Variants in SLC15A5 observed in about 807,000 individuals in gnomAD.
SLC15A5 encodes Peptide/histidine transporter ENSP00000340402.
A neutral mutation model predicts 56.1 loss-of-function variants in SLC15A5; 58 were observed. The ratio of observed to expected loss-of-function variants is 1.03; its 90% CI spans 0.84 to 1.29. The LOEUF is 1.29. Ranked by LOEUF, SLC15A5 falls within the 50% of genes most tolerant of loss-of-function variation. The pLI is 0.00. For missense variants in SLC15A5, 681 were observed against 672.1 expected, an observed-to-expected ratio of 1.01 and a Z score of -0.15; for synonymous variants, 264 against 250.5, an observed-to-expected ratio of 1.05 and a Z score of -0.51.
At chr12:16,239,392 A>G (rs947432747) in intron 5 of SLC15A5, among the ~76,000 whole-genome samples, 1 of 152,218 alleles carries the variant, frequency 6.6e-6, no homozygotes, top group Non-Finnish European at 1.5e-5. Context: ...AGGGGTAAGG[A>G]CTGCCTGACT....
In SLC15A5 at chr12:16,194,368, C is replaced by T; in HGVS notation, c.1569G>A (p.Leu523=). 1 of 1,534,260 alleles carries T rather than the reference C, an allele frequency of 6.5e-7. No individual in the cohort carries two copies. Among genetic ancestry groups the T allele is most frequent in the Non-Finnish European group, 8.7e-7 (1 of 1,144,648 alleles). Residue 523 remains leucine (L), a synonymous_variant, in exon 8 of 9, where the codon CTG becomes CTA. Coordinates refer to ENST00000344941, the MANE Select transcript of SLC15A5 (RefSeq NM_001170798.1). ...FLASLTLLNV[L]GFCSVSQRYC... is the part of the protein sequence containing the mutation. ...ACCTTTGTGAAACACTGCAGAATCCCAGGACGTTCAACAATGTTAATGATG... is the reference window on the plus strand; with the variant it reads ...ACCTTTGTGAAACACTGCAGAATCCTAGGACGTTCAACAATGTTAATGATG...
chr12:16,222,790 A>G (rs1224184382), intron 6 of SLC15A5, among the ~76,000 whole-genome samples: 2 of 152,182 alleles, frequency 1.3e-5, no homozygotes, highest in African/African-American at 4.8e-5. Context: ...TTTCCTCCAC[A>G]TATTCACTCA....
In SLC15A5 at chr12:16,216,314, A is replaced by C. The variant is rs1864129529; in HGVS notation, c.1483+579T>G. Among the ~76,000 whole-genome samples, 4 of 152,348 alleles carry C rather than the reference A, an allele frequency of 2.6e-5. 1 individual carries two copies. The South Asian group carries it at 8.3e-4, about 32-fold the overall frequency. On this transcript the variant is annotated intron_variant, in intron 7 of 8. Transcript: ENST00000344941. ...TGTTTTTACCAACACGTGCAACCAAAGAATAGTTCTTTAAAATTTGCTTTA... is the reference window on the plus strand; with the variant it reads ...TGTTTTTACCAACACGTGCAACCAACGAATAGTTCTTTAAAATTTGCTTTA...
chr12:16,239,082 C>T (rs1864384154), intron 5 of SLC15A5, among the ~76,000 whole-genome samples: 1 of 152,214 alleles, frequency 6.6e-6, no homozygotes, highest in Non-Finnish European at 1.5e-5. Context: ...ACTTGTTTTA[C>T]TGTACCCCCA....
intron 6 of SLC15A5, among the ~76,000 whole-genome samples, chr12:16,223,984 G>A (rs1257224932): frequency 6.6e-6 from 1 of 152,142 alleles, no homozygotes; most frequent in African/African-American, 2.4e-5. Context: ...CCAAAGTGCT[G>A]GGATTACAGG....
intron 3 of SLC15A5, among the ~76,000 whole-genome samples, chr12:16,247,772 A>G (rs1291212567): frequency 6.6e-6 from 1 of 152,146 alleles, no homozygotes; most frequent in Non-Finnish European, 1.5e-5. Context: ...GGGGGGTCAG[A>G]TCATATAGCT....
intron 2 of SLC15A5, among the ~76,000 whole-genome samples, chr12:16,259,565 GGAGA>G (rs2136809747): frequency 6.6e-6 from 1 of 152,318 alleles, no homozygotes; most frequent in Admixed American, 6.5e-5. Flanking sequence ...TGAAGGAGAA[GGAGA>G]GAAATTGGGC....
intron 4 of SLC15A5, among the ~76,000 whole-genome samples, chr12:16,241,008 T>G (rs1169791959): frequency 6.6e-6 from 1 of 152,030 alleles, no homozygotes; most frequent in Non-Finnish European, 1.5e-5. Flanking sequence ...AGAGATGAGG[T>G]TTCACCGTGT....
chr12:16,228,432 C>T (rs1864264002), intron 5 of SLC15A5, among the ~76,000 whole-genome samples: 1 of 152,210 alleles, frequency 6.6e-6, no homozygotes, highest in South Asian at 2.1e-4. Flanking sequence ...AACTTTTGAT[C>T]TTTCTCTCTA....
At chr12:16,198,652 A>G (rs968591734) in intron 7 of SLC15A5, among the ~76,000 whole-genome samples, 11 of 152,100 alleles carry the variant, frequency 7.2e-5, no homozygotes, top group African/African-American at 2.2e-4. Context: ...ACTTACCTCA[A>G]ATTCTTTCTA....
At chr12:16,259,139 C>T (rs1221883068) in intron 2 of SLC15A5, among the ~76,000 whole-genome samples, 2 of 147,252 alleles carry the variant, frequency 1.4e-5, no homozygotes, top group African/African-American at 5.0e-5. Flanking sequence ...TGAAGGAATC[C>T]TACTGCCTCA....
chr12:16,194,332 C>T lies in SLC15A5; in HGVS notation c.1592+13G>A, dbSNP rs1000568619. 12 of 1,503,006 alleles carry T rather than the reference C, an allele frequency of 8.0e-6. No individual in the cohort carries two copies. The African/African-American group carries it at 1.4e-4, about 17-fold the overall frequency. The allele number at this position is 1,503,006 out of a possible 1,614,324, so 93.1% of individuals were successfully genotyped here. ...GACTCAGAAATTTTTCATCTTACCA[C>T]ACACTTACTTACCTTTGTGAAACAC... On this transcript the variant is annotated intron_variant, in intron 8 of 8. Coordinates refer to ENST00000344941, the MANE Select transcript of SLC15A5 (RefSeq NM_001170798.1).
Position 16,239,860 on chromosome 12 carries a change from G to T in SLC15A5, c.983C>A (p.Ser328Ter). The T allele has an allele frequency of 6.5e-7, 1 of 1,536,684 alleles. No individual in the cohort carries two copies. Among genetic ancestry groups the T allele is most frequent in the Non-Finnish European group, 8.7e-7 (1 of 1,146,636 alleles). The change falls in exon 5 of 9, where the codon TCA becomes TAA. Residue 328 changes from serine (S) to a stop codon, truncating the protein, a stop_gained. Coordinates refer to ENST00000344941, the MANE Select transcript of SLC15A5 (RefSeq NM_001170798.1). LOFTEE classifies it high-confidence loss of function. ...LYRMCIMQIPSGYYLQTMNSN... is the reference protein window; with the variant it reads ...LYRMCIMQIP The stretch of plus-strand genomic sequence containing the variant: ...ATTCATAGTTTGCAGATAATATCCT[G>T]AAGGAATCTGTATTCGAGAGGGAAA...
chr12:16,244,081 C>T (rs556361342), intron 4 of SLC15A5, among the ~76,000 whole-genome samples: 8 of 152,230 alleles, frequency 5.3e-5, no homozygotes, highest in East Asian at 3.9e-4. Context: ...AGCACAGGAA[C>T]GAATTCCCCA....
chr12:16,257,052 T>C (rs1671477), intron 3 of SLC15A5, among the ~76,000 whole-genome samples: 151,092 of 152,094 alleles, frequency 0.99, 75,054 homozygotes, highest in East Asian at 1. Flanking sequence ...AGGAAACAAT[T>C]GGAGATTTTA....
intron 1 of SLC15A5, among the ~76,000 whole-genome samples, chr12:16,273,867 A>G (rs1864789226): frequency 1.3e-5 from 2 of 150,458 alleles, no homozygotes; most frequent in African/African-American, 4.8e-5. Flanking sequence ...CTCATTACTC[A>G]GAGATCATCT....
chr12:16,236,553 C>A (rs1864353919), intron 5 of SLC15A5, among the ~76,000 whole-genome samples: 1 of 152,102 alleles, frequency 6.6e-6, no homozygotes, highest in Admixed American at 6.5e-5. Flanking sequence ...TGTTTATGAG[C>A]TAGATAAAAA....
At chr12:16,198,841 A>G (rs2331818) in intron 7 of SLC15A5, among the ~76,000 whole-genome samples, 72,971 of 151,766 alleles carry the variant, frequency 0.48, 17,976 homozygotes, top group South Asian at 0.72. Context: ...ATGAAAGAAA[A>G]ATACAGTTTA....
At chr12:16,225,432 A>G (rs1201203604) in intron 5 of SLC15A5, among the ~76,000 whole-genome samples, 3 of 152,230 alleles carry the variant, frequency 2.0e-5, no homozygotes, top group Non-Finnish European at 2.9e-5. Context: ...AGCAATGGCA[A>G]CAAAAGCCAA....
Sources: gnomAD v4.1 joint callset for allele counts (sites outside exome capture counted in the v4.1 genomes callset) on GRCh38, gnomAD v4.1.1 for gene constraint, MANE v1.5 for transcripts, NCBI Gene and HGNC (gene_info 2026-07-23, HGNC 2026-07-21) for gene names.